The following TIAM1 variants were observed in gnomAD, a reference collection of about 807,000 sequenced individuals.
TIAM1 encodes the protein TIAM Rac1 associated GEF 1.
Under a neutral mutation model 163.5 loss-of-function variants are expected in TIAM1, and 65 were observed. The observed-to-expected ratio is 0.40, with a 90% CI of 0.33 to 0.49. TIAM1 has a LOEUF of 0.49. Among genes scored for constraint, TIAM1 ranks in the 20% least tolerant of loss-of-function variants. TIAM1 has a pLI of 0.77. For synonymous variants in TIAM1, 833 were observed against 810.1 expected (o/e 1.03, Z -0.48); for missense variants, 1,789 against 2,044.7 (o/e 0.87, Z 2.41).
chr21:31,367,718 G>T (rs1019660044), intron 2 of TIAM1, among the ~76,000 whole-genome samples: 7 of 152,098 alleles, frequency 4.6e-5, no homozygotes, highest in Admixed American at 1.3e-4. Context: ...CGCCATTTGG[G>T]TAACTCTGTC....
At chr21:31,383,605 T>C (rs573698533) in intron 2 of TIAM1, among the ~76,000 whole-genome samples, 1 of 152,344 alleles carries the variant, frequency 6.6e-6, no homozygotes, top group South Asian at 2.1e-4. Flanking sequence ...TTTCAGGCTG[T>C]CATTTCCACG....
At chr21:31,186,824 T>C (rs2085329021) in intron 14 of TIAM1, among the ~76,000 whole-genome samples, 177 bp downstream of exon 14, 1 of 152,164 alleles carries the variant, frequency 6.6e-6, no homozygotes, top group Non-Finnish European at 1.5e-5. Flanking sequence ...ATATGACCTT[T>C]CTGGTACACT....
intron 3 of TIAM1, among the ~76,000 whole-genome samples, chr21:31,275,440 T>C (rs907477558): frequency 6.6e-6 from 1 of 152,118 alleles, no homozygotes; most frequent in Non-Finnish European, 1.5e-5. Flanking sequence ...ACCCAAACTC[T>C]AAAACAGATG....
chr21:31,502,944 G>A (rs891651271), intron 1 of TIAM1, among the ~76,000 whole-genome samples: 1 of 152,124 alleles, frequency 6.6e-6, no homozygotes, highest in South Asian at 2.1e-4. Context: ...GACTTGGCAG[G>A]GGCCAAATCA....
At chr21:31,424,015 T>C (rs534273920) in intron 2 of TIAM1, among the ~76,000 whole-genome samples, 1 of 152,280 alleles carries the variant, frequency 6.6e-6, no homozygotes, top group East Asian at 1.9e-4. Context: ...AATTGCACGG[T>C]GTGTGAATTA....
In TIAM1 at chr21:31,550,953, G is replaced by A. The variant is rs181425197; in HGVS notation, c.-422+7974C>T. Among the ~76,000 whole-genome samples the A allele has an allele frequency of 5.9e-5, 9 of 152,336 alleles. No individual in the cohort carries two copies. The East Asian group carries it at 1.7e-3, about 29-fold the overall frequency. On this transcript the variant is annotated intron_variant, in intron 1 of 28. Coordinates refer to the TIAM1 transcript ENST00000286827. ...AGGCCAGGCGCAGTGGCTCACGCCT[G>A]TAATCCCAGCACTTTGGGAGGCTTG...
rs1398188525 is a variant in TIAM1 at position 31,394,744 on chromosome 21, A to T, written c.-368-55322T>A. The stretch of plus-strand genomic sequence containing the variant: ...CTCTCTCTCTCACACACACACACAC[A>T]CACACACACACACACACACACACAC... On this transcript the variant is annotated intron_variant, in intron 2 of 28. Coordinates refer to the TIAM1 transcript ENST00000286827. 9.5e-3 allele frequency among the ~76,000 whole-genome samples: 1,402 copies of T among 147,848 alleles called. 25 individuals carry two copies. Among genetic ancestry groups the T allele is most frequent in the African/African-American group, 0.021 (866 of 40,466 alleles).
chr21:31,159,238 G>A (rs1197672670), intron 16 of TIAM1, among the ~76,000 whole-genome samples: 1 of 152,090 alleles, frequency 6.6e-6, no homozygotes, highest in Admixed American at 6.5e-5. Context: ...TACAGACAAG[G>A]AGAGGACAAT....
chr21:31,408,849 G>A (rs551442701), intron 2 of TIAM1, among the ~76,000 whole-genome samples: 28 of 152,196 alleles, frequency 1.8e-4, no homozygotes, highest in Non-Finnish European at 3.4e-4. Flanking sequence ...GCACATTTTC[G>A]GGCCTGACCT....
At chr21:31,372,805 C>T (rs191081491) in intron 2 of TIAM1, among the ~76,000 whole-genome samples, 111 of 152,104 alleles carry the variant, frequency 7.3e-4, no homozygotes, top group African/African-American at 2.5e-3. Flanking sequence ...CCTGTAATCC[C>T]GGCACTTTGG....
intron 1 of TIAM1, among the ~76,000 whole-genome samples, chr21:31,502,795 T>C (rs763024625): frequency 8.5e-5 from 13 of 152,226 alleles, no homozygotes; most frequent in Non-Finnish European, 1.5e-4. Context: ...GGCTGTACTC[T>C]CCAATTTTGG....
At chr21:31,557,260 T>C (rs933123) in intron 1 of TIAM1, among the ~76,000 whole-genome samples, 2 of 152,128 alleles carry the variant, frequency 1.3e-5, no homozygotes, top group Admixed American at 1.3e-4. Flanking sequence ...CAGTCCTTCA[T>C]GCCTTTTATA....
rs1174719803 is a variant in TIAM1, at chr21:31,118,741, G to A, written c.*1627C>T. ...CAAAGGGTATAGAAACCATTCTAAAGCTTTTTCAGAAAACCAGAAGATATA... is the reference window on the plus strand; with the variant it reads ...CAAAGGGTATAGAAACCATTCTAAAACTTTTTCAGAAAACCAGAAGATATA... On this transcript the variant is annotated 3_prime_UTR_variant, in exon 28 of 28. Transcript: ENST00000541036. 2.5e-6 allele frequency: 1 copy of A among 401,166 alleles called. No individual in the cohort carries two copies. The highest frequency in any genetic ancestry group is 2.1e-5 in the African/African-American group (1 of 46,558). 24.9% of individuals were successfully genotyped at this position (401,166 alleles called of 1,614,324 possible). A position where few individuals can be genotyped will look rare whatever the true frequency, so the allele number is the denominator to read the frequency against.
At position 31,266,105 on chromosome 21, in the gene TIAM1, G is replaced by A; in HGVS notation, c.868C>T (p.Pro290Ser). 2.5e-6 allele frequency: 4 copies of A among 1,614,228 alleles called. No homozygotes were observed. Among genetic ancestry groups the A allele is most frequent in the Non-Finnish European group, 3.4e-6 (4 of 1,180,054 alleles). Residue 290 changes from proline to serine, a missense_variant, in exon 4 of 28, where the codon CCC becomes TCC. Physicochemically the swap from Pro to Ser is moderately conservative, Grantham distance 74. This residue lies in a region of TIAM1 where 555 missense variants were observed against 564.9 expected (regional missense o/e 0.98). Transcript: ENST00000541036. ...GAGAGACAGTGAGATTTCCTACAGGGAAGTGTGTTATAATTACTGTACGGA... is the reference window on the plus strand; with the variant it reads ...GAGAGACAGTGAGATTTCCTACAGGAAAGTGTGTTATAATTACTGTACGGA... ...TPPYSNYNTL[P>S]CRKSHCLSEG...
intron 2 of TIAM1, among the ~76,000 whole-genome samples, chr21:31,322,563 C>T (rs1285898490): frequency 2.6e-5 from 4 of 152,200 alleles, no homozygotes; most frequent in African/African-American, 9.7e-5. Flanking sequence ...GCTTCAAACC[C>T]ACACTGAATC....
intron 1 of TIAM1, among the ~76,000 whole-genome samples, chr21:31,484,451 C>G (rs1360231538): frequency 6.6e-6 from 1 of 152,188 alleles, no homozygotes; most frequent in Non-Finnish European, 1.5e-5. Context: ...GCCTCCAAAC[C>G]CAGCTTGCCT....
chr21:31,357,817 A>C (rs1016960198), intron 2 of TIAM1, among the ~76,000 whole-genome samples: 2 of 152,196 alleles, frequency 1.3e-5, no homozygotes, highest in African/African-American at 2.4e-5. Context: ...CTATTCTATC[A>C]GCAGCATTTG....
intron 2 of TIAM1, among the ~76,000 whole-genome samples, chr21:31,409,881 C>A (rs2077315823): frequency 6.6e-6 from 1 of 151,842 alleles, no homozygotes; most frequent in Non-Finnish European, 1.5e-5. Context: ...GTTAAGGAGG[C>A]CTTTTTTTTT....
intron 15 of TIAM1, among the ~76,000 whole-genome samples, chr21:31,174,935 C>G (rs1013960356): frequency 6.6e-6 from 1 of 152,090 alleles, no homozygotes; most frequent in Admixed American, 6.5e-5. Context: ...CGTGAGCCAT[C>G]GTGCCCAGCC....
Sources: allele counts gnomAD v4.1 joint callset (sites outside exome capture counted in the v4.1 genomes callset), GRCh38; gene constraint gnomAD v4.1.1; regional missense constraint gnomAD v4.1.1; transcripts MANE v1.5; gene names NCBI Gene and HGNC (gene_info 2026-07-23, HGNC 2026-07-21).